Variants in LRRC4C observed in about 807,000 individuals in gnomAD.
LRRC4C encodes leucine-rich repeat-containing protein 4C.
A neutral mutation model predicts 33.6 loss-of-function variants in LRRC4C; 5 were observed. The observed-to-expected ratio is 0.15, with a 90% CI of 0.08 to 0.31. The LOEUF is 0.31. LRRC4C is among the 10% of genes least tolerant of loss of function. The pLI, the probability that LRRC4C is intolerant of heterozygous loss-of-function variation, is 1.00. For missense variants in LRRC4C, 560 were observed against 796.7 expected (o/e 0.70, Z 3.58); for synonymous variants, 329 against 302.0 (o/e 1.09, Z -0.93).
intron 3 of LRRC4C, among the ~76,000 whole-genome samples, chr11:40,571,551 G>A (rs1957985064): frequency 6.6e-6 from 1 of 152,100 alleles, no homozygotes; most frequent in African/African-American, 2.4e-5. Flanking sequence ...CTAGTTACAA[G>A]GAGAGTCTTT....
chr11:40,631,805 T>G (rs1400798547), intron 3 of LRRC4C, among the ~76,000 whole-genome samples: 1 of 152,204 alleles, frequency 6.6e-6, no homozygotes, highest in Non-Finnish European at 1.5e-5. Flanking sequence ...AAATCATGCA[T>G]GTAAGGCATA....
chr11:40,824,792 T>C (rs1952087493), intron 2 of LRRC4C, among the ~76,000 whole-genome samples: 1 of 152,006 alleles, frequency 6.6e-6, no homozygotes, highest in Non-Finnish European at 1.5e-5. Flanking sequence ...GATTTCTTGT[T>C]AGTGCTATCT....
chr11:40,880,707 T>C (rs1381142193), intron 2 of LRRC4C, among the ~76,000 whole-genome samples: 1 of 151,258 alleles, frequency 6.6e-6, no homozygotes. Flanking sequence ...TTCAAAGGAG[T>C]GTTAAGTGCA....
intron 1 of LRRC4C, among the ~76,000 whole-genome samples, chr11:40,954,052 T>C (rs1348640783): frequency 2.6e-5 from 4 of 151,910 alleles, no homozygotes; most frequent in East Asian, 1.9e-4. Flanking sequence ...CAAACTTTCA[T>C]GTTCCCTATT....
intron 2 of LRRC4C, among the ~76,000 whole-genome samples, chr11:40,814,870 G>T (rs1287199478): frequency 6.6e-6 from 1 of 151,944 alleles, no homozygotes; most frequent in East Asian, 1.9e-4. Flanking sequence ...GTACTTCATT[G>T]TCTATAATAC....
At chr11:41,436,693 A>G (rs1955440205) in intron 1 of LRRC4C, among the ~76,000 whole-genome samples, 10 of 152,216 alleles carry the variant, frequency 6.6e-5, no homozygotes, top group Admixed American at 6.5e-4. Flanking sequence ...AAGCATGTCC[A>G]GTTGAATTCA....
chr11:40,436,904 T>C lies in LRRC4C; in HGVS notation c.-269-117183A>G, dbSNP rs998611183. 3.9e-5 allele frequency among the ~76,000 whole-genome samples: 6 copies of C among 151,974 alleles called. No homozygotes were observed. The East Asian group carries it at 9.7e-4, about 25-fold the overall frequency. On this transcript the variant is annotated intron_variant, in intron 3 of 6. Transcript: ENST00000528697. Reference sequence around the variant, plus strand: ...AGCCTGACTGAGAGGCTGTTAGAGATGTAAAGGAAGAGAAAAATGGCTCAG... The same window carrying C: ...AGCCTGACTGAGAGGCTGTTAGAGACGTAAAGGAAGAGAAAAATGGCTCAG...
chr11:41,105,589 A>G (rs1941449599), intron 1 of LRRC4C, among the ~76,000 whole-genome samples: 1 of 152,104 alleles, frequency 6.6e-6, no homozygotes, highest in Non-Finnish European at 1.5e-5. Flanking sequence ...GAAAGGCAAT[A>G]GGAACTAGAT....
intron 1 of LRRC4C, among the ~76,000 whole-genome samples, chr11:40,987,664 GAGATATAAATGATATAT>G (rs367586295): frequency 0.43 from 28,051 of 64,640 alleles, 4,820 homozygotes; most frequent in Middle Eastern, 0.48. Flanking sequence ...TCATATATAT[GAGATATAAATGATATAT>G]ATATATATAT....
At chr11:40,838,898 C>T (rs1470707558) in intron 2 of LRRC4C, among the ~76,000 whole-genome samples, 1 of 151,530 alleles carries the variant, frequency 6.6e-6, no homozygotes, top group Non-Finnish European at 1.5e-5. Context: ...CAATTGTTTC[C>T]TTGATAATCA....
chr11:41,384,894 A>T (rs533027159), intron 1 of LRRC4C, among the ~76,000 whole-genome samples: 2 of 149,024 alleles, frequency 1.3e-5, no homozygotes. Context: ...CTTTTTGGGG[A>T]GCTTTTAAAA....
At position 40,887,541 on chromosome 11, in the gene LRRC4C, T is replaced by C. The variant is rs577092299; in HGVS notation, c.-407+46094A>G. On this transcript the variant is annotated intron_variant, in intron 2 of 6. Transcript: ENST00000528697. ...AGACTTTGCTGACCCACTTTGAACTTGTGGAAGAGAAAATAAACTTAGTTT... is the reference window on the plus strand; with the variant it reads ...AGACTTTGCTGACCCACTTTGAACTCGTGGAAGAGAAAATAAACTTAGTTT... Among the ~76,000 whole-genome samples the C allele has an allele frequency of 3.3e-5, 5 of 152,124 alleles. No individual in the cohort carries two copies. In the South Asian group the frequency reaches 1.0e-3, roughly 32 times the overall value.
At chr11:40,555,499 A>C (rs1474623515) in intron 3 of LRRC4C, among the ~76,000 whole-genome samples, 3 of 152,204 alleles carry the variant, frequency 2.0e-5, no homozygotes, top group Non-Finnish European at 4.4e-5. Flanking sequence ...CCTTTTATGA[A>C]CCTTTCTTGC....
At chr11:40,529,323 ATATT>A (rs1407685018) in intron 3 of LRRC4C, among the ~76,000 whole-genome samples, 1 of 152,100 alleles carries the variant, frequency 6.6e-6, no homozygotes, top group East Asian at 1.9e-4. Context: ...ATTATATTCT[ATATT>A]TATGTTAAAT....
At chr11:41,188,884 A>C (rs1410393118) in intron 1 of LRRC4C, among the ~76,000 whole-genome samples, 3 of 146,470 alleles carry the variant, frequency 2.0e-5, no homozygotes, top group Non-Finnish European at 4.5e-5. Flanking sequence ...ACTACTTTTT[A>C]GCACAAAACA....
At chr11:41,057,900 C>T (rs1051840861) in intron 1 of LRRC4C, among the ~76,000 whole-genome samples, 4 of 152,270 alleles carry the variant, frequency 2.6e-5, no homozygotes, top group Admixed American at 6.5e-5. Flanking sequence ...TGCTAGGAGC[C>T]GAACACTCCT....
At chr11:40,512,043 A>T (rs1240832180) in intron 3 of LRRC4C, among the ~76,000 whole-genome samples, 1 of 152,294 alleles carries the variant, frequency 6.6e-6, no homozygotes, top group African/African-American at 2.4e-5. Flanking sequence ...GTCCAGAAAA[A>T]AAGAAAAAAA....
chr11:40,532,703 G>A (rs1191163643), intron 3 of LRRC4C, among the ~76,000 whole-genome samples: 1 of 136,828 alleles, frequency 7.3e-6, no homozygotes, highest in Non-Finnish European at 1.5e-5. Context: ...TAGAAGTGGG[G>A]GAGGAGTTGA....
chr11:41,182,068 G>T (rs1328439407), intron 1 of LRRC4C, among the ~76,000 whole-genome samples: 1 of 152,042 alleles, frequency 6.6e-6, no homozygotes, highest in Non-Finnish European at 1.5e-5. Context: ...TGTATTTGTT[G>T]TTTACGTATT....
Sources: allele counts gnomAD v4.1 joint callset (sites outside exome capture counted in the v4.1 genomes callset), GRCh38; gene constraint gnomAD v4.1.1; transcripts MANE v1.5; gene names NCBI Gene and HGNC (gene_info 2026-07-23, HGNC 2026-07-21).